ANO3: variants seen among roughly 807,000 people sequenced by gnomAD.
ANO3 encodes the protein anoctamin 3, also known as anoctamin-3.
ANO3 carries 99 observed loss-of-function variants against 144.8 expected under a neutral mutation model. The observed-to-expected ratio is 0.68, with a 90% confidence interval of 0.58 to 0.81. The LOEUF is 0.81. ANO3 is among the 30% of genes least tolerant of loss of function. The pLI, the probability that ANO3 is intolerant of heterozygous loss-of-function variation, is 0.00. For synonymous variants in ANO3, 414 were observed against 392.6 expected (o/e 1.05, Z -0.64); for missense variants, 905 against 1,202.2 (o/e 0.75, Z 3.66).
intron 1 of ANO3, among the ~76,000 whole-genome samples, chr11:26,215,439 C>T (rs1035689224): frequency 6.6e-6 from 1 of 151,956 alleles, no homozygotes; most frequent in African/African-American, 2.4e-5. Context: ...TGAACTGCCA[C>T]TATCATTGTG....
chr11:26,559,835 T>TTTACAC, intron 14 of ANO3, 56 bp downstream of exon 14: 1 of 617,286 alleles, frequency 1.6e-6, no homozygotes. Context: ...GTTTCTGTGT[T>TTTACAC]ACACACACAC....
At chr11:26,251,409 C>T (rs1383950127) in intron 1 of ANO3, among the ~76,000 whole-genome samples, 2 of 152,158 alleles carry the variant, frequency 1.3e-5, no homozygotes, top group Admixed American at 6.5e-5. Context: ...AAATGAAAAT[C>T]TCTTTTATAA....
At chr11:26,354,644 A>T (rs1855730775) in intron 1 of ANO3, among the ~76,000 whole-genome samples, 1 of 152,048 alleles carries the variant, frequency 6.6e-6, no homozygotes, top group African/African-American at 2.4e-5. Context: ...TAAATTGTAT[A>T]CTTATGTTGC....
chr11:26,501,810 A>T (rs1565064741), intron 4 of ANO3, among the ~76,000 whole-genome samples: 1 of 152,198 alleles, frequency 6.6e-6, no homozygotes, highest in East Asian at 1.9e-4. Flanking sequence ...ATTTAGGACA[A>T]AAAACAGGAC....
intron 4 of ANO3, among the ~76,000 whole-genome samples, chr11:26,493,057 G>T (rs763421455): frequency 6.6e-6 from 1 of 152,166 alleles, no homozygotes. Flanking sequence ...GGAGTGTAAA[G>T]GACGTCACTT....
intron 14 of ANO3, among the ~76,000 whole-genome samples, chr11:26,592,871 CTA>C (rs1851492646): frequency 6.6e-6 from 1 of 152,054 alleles, no homozygotes; most frequent in Non-Finnish European, 1.5e-5. Context: ...GGGGAGGAAA[CTA>C]TGTCCTCTCG....
At chr11:26,573,209 C>A (rs1202754120) in intron 14 of ANO3, among the ~76,000 whole-genome samples, 2 of 152,106 alleles carry the variant, frequency 1.3e-5, no homozygotes, top group African/African-American at 4.8e-5. Context: ...AAATGGAATG[C>A]AAAGAATCTG....
intron 9 of ANO3, among the ~76,000 whole-genome samples, chr11:26,537,012 T>A (rs572040142): frequency 1.3e-5 from 2 of 152,120 alleles, no homozygotes. Flanking sequence ...TTAAATTTTT[T>A]TTTTTTTTTT....
At chr11:26,525,578 C>T in intron 6 of ANO3, 57 bp from the exon 7 acceptor site, 2 of 1,381,710 alleles carry the variant, frequency 1.4e-6, no homozygotes, top group Non-Finnish European at 1.0e-6. Context: ...TTGTCACTCA[C>T]TCGTATCACT....
At chr11:26,423,718 T>C (rs1205978619) in intron 1 of ANO3, among the ~76,000 whole-genome samples, 1 of 152,006 alleles carries the variant, frequency 6.6e-6, no homozygotes, top group Admixed American at 6.6e-5. Flanking sequence ...TTGCTTTAGC[T>C]CCATGGTTTC....
chr11:26,304,731 G>T (rs568286605), upstream of ANO3, among the ~76,000 whole-genome samples: 68 of 152,142 alleles, frequency 4.5e-4, no homozygotes, highest in African/African-American at 1.6e-3. Context: ...CTTAGGATTT[G>T]TGTTCAATTT....
intron 17 of ANO3, among the ~76,000 whole-genome samples, chr11:26,612,601 T>C (rs1852131193): frequency 6.6e-6 from 1 of 152,010 alleles, no homozygotes; most frequent in Admixed American, 6.6e-5. Context: ...AGTTTTATGC[T>C]TATACAGTTT....
At chr11:26,295,427 A>C (rs1195058103) in intron 1 of ANO3, among the ~76,000 whole-genome samples, 1 of 148,342 alleles carries the variant, frequency 6.7e-6, no homozygotes, top group Non-Finnish European at 1.5e-5. Context: ...CCGGAGGCTG[A>C]GGCAGAAGAA....
chr11:26,529,169 AT>A lies in ANO3; in HGVS notation c.738-2035del, dbSNP rs1397701631. Among the ~76,000 whole-genome samples, 3 of 2,670 alleles carry A rather than the reference AT, an allele frequency of 1.1e-3. 1 individual carries two copies. Among genetic ancestry groups the A allele is most frequent in the African/African-American group, 2.0e-3 (3 of 1,530 alleles). 1.8% of individuals were successfully genotyped at this position (2,670 alleles called of 152,430 possible). A position where few individuals can be genotyped will look rare whatever the true frequency, so the allele number is the denominator to read the frequency against. ...TAATAATATATATTATATATAATAT[AT>A]ATTATTAATAATATATATTATATAT... On this transcript the variant is annotated intron_variant, in intron 7 of 26. Transcript: ENST00000256737.
intron 1 of ANO3, among the ~76,000 whole-genome samples, chr11:26,424,054 GATAA>G (rs1857840792): frequency 6.6e-6 from 1 of 151,832 alleles, no homozygotes; most frequent in Non-Finnish European, 1.5e-5. Flanking sequence ...GAAATTAAAG[GATAA>G]ATAAGTGAAT....
At chr11:26,347,921 A>G (rs973327779) in intron 1 of ANO3, among the ~76,000 whole-genome samples, 5 of 152,216 alleles carry the variant, frequency 3.3e-5, no homozygotes, top group Admixed American at 6.5e-5. Context: ...CTGGCCCAAG[A>G]GGCCCTGGTT....
intron 1 of ANO3, among the ~76,000 whole-genome samples, chr11:26,191,150 C>T (rs1026981339): frequency 1.3e-5 from 2 of 152,052 alleles, no homozygotes; most frequent in African/African-American, 4.8e-5. Flanking sequence ...GTGGCACATG[C>T]CTGTAATCCC....
chr11:26,256,343 G>A (rs1246702506), intron 1 of ANO3, among the ~76,000 whole-genome samples: 2 of 151,994 alleles, frequency 1.3e-5, no homozygotes, highest in Admixed American at 1.3e-4. Flanking sequence ...CTGAATACTA[G>A]GCATTCATTC....
At chr11:26,293,533 GTA>G (rs59115569) in intron 1 of ANO3, among the ~76,000 whole-genome samples, 29 of 25,936 alleles carry the variant, frequency 1.1e-3, no homozygotes, top group African/African-American at 3.8e-3. Flanking sequence ...TAAATTCCAT[GTA>G]TATATATATA....
Sources: gnomAD v4.1 joint callset for allele counts (sites outside exome capture counted in the v4.1 genomes callset) on GRCh38, gnomAD v4.1.1 for gene constraint, MANE v1.5 for transcripts, NCBI Gene and HGNC (gene_info 2026-07-23, HGNC 2026-07-21) for gene names.